Variants in SAMD5 observed in about 807,000 individuals in gnomAD.
SAMD5 encodes sterile alpha motif domain-containing protein 5.
A neutral mutation model predicts 11.3 loss-of-function variants in SAMD5; 13 were observed. That is an observed-to-expected ratio of 1.15 (90% CI 0.75 to 1.83). The LOEUF (loss-of-function observed/expected upper bound fraction) is 1.83. Ranked by LOEUF, SAMD5 falls within the 40% of genes most tolerant of loss-of-function variation. The pLI is 0.00. For missense variants in SAMD5, 255 were observed against 239.1 expected, an observed-to-expected ratio of 1.07 and a Z score of -0.44; for synonymous variants, 129 against 111.3, an observed-to-expected ratio of 1.16 and a Z score of -1.00.
intron 1 of SAMD5, among the ~76,000 whole-genome samples, chr6:147,684,702 A>C (rs73011983): frequency 0.12 from 17,512 of 152,192 alleles, 1,107 homozygotes; most frequent in Middle Eastern, 0.16. Flanking sequence ...TGACTAATAA[A>C]ATTGAACATC....
chr6:147,598,947 A>G (rs1001110840), intron 1 of SAMD5, among the ~76,000 whole-genome samples: 2 of 152,192 alleles, frequency 1.3e-5, no homozygotes, highest in Non-Finnish European at 2.9e-5. Flanking sequence ...CTTCTGGGGA[A>G]CACAGACATT....
At chr6:147,896,755 A>AAAAAACAAACAAAC in the SAMD5 span, among the ~76,000 whole-genome samples, 1 of 142,424 alleles carries the variant, frequency 7.0e-6, no homozygotes, top group Admixed American at 7.1e-5. Context: ...AAAAAAAAAA[A>AAAAAACAAACAAAC]AAAAAAAACG....
At chr6:147,726,004 C>G (rs765013224) in intron 1 of SAMD5, among the ~76,000 whole-genome samples, 4 of 152,182 alleles carry the variant, frequency 2.6e-5, no homozygotes, top group Non-Finnish European at 5.9e-5. Context: ...GCTTGTGAGG[C>G]AAACAGATTA....
chr6:147,701,455 A>T (rs1791252044), intron 1 of SAMD5, among the ~76,000 whole-genome samples: 1 of 152,086 alleles, frequency 6.6e-6, no homozygotes, highest in Non-Finnish European at 1.5e-5. Context: ...CCAACATGGT[A>T]AAATCCTGTC....
chr6:147,668,695 T>C (rs1303309236), intron 1 of SAMD5, among the ~76,000 whole-genome samples: 1 of 152,026 alleles, frequency 6.6e-6, no homozygotes, highest in East Asian at 1.9e-4. Context: ...AATACAAAAA[T>C]TAGCTGGGCG....
chr6:147,901,527 A>G, the SAMD5 span, among the ~76,000 whole-genome samples: 41 of 152,244 alleles, frequency 2.7e-4, no homozygotes, highest in Middle Eastern at 0.01. Context: ...GTTTTTTTCC[A>G]TGCTGGATTA....
chr6:147,593,040 G>A (rs1393823654), intron 1 of SAMD5, among the ~76,000 whole-genome samples: 2 of 152,116 alleles, frequency 1.3e-5, no homozygotes, highest in Non-Finnish European at 2.9e-5. Flanking sequence ...TTAAGGTTGT[G>A]AGGGATTGGG....
chr6:147,877,887 A>C, the SAMD5 span, among the ~76,000 whole-genome samples: 84 of 78,272 alleles, frequency 1.1e-3, no homozygotes, highest in African/African-American at 2.9e-3. Context: ...CACACGATAG[A>C]TAGATAGCTA....
At chr6:147,745,408 A>G in the SAMD5 span, among the ~76,000 whole-genome samples, 17 of 152,204 alleles carry the variant, frequency 1.1e-4, no homozygotes, top group African/African-American at 3.9e-4. Context: ...ATGATATCTG[A>G]TATTTACAGA....
At chr6:147,683,404 T>G (rs1387349523) in intron 1 of SAMD5, among the ~76,000 whole-genome samples, 1 of 152,218 alleles carries the variant, frequency 6.6e-6, no homozygotes, top group Non-Finnish European at 1.5e-5. Context: ...TCTATTGGTA[T>G]TTATTGTATT....
the SAMD5 span, among the ~76,000 whole-genome samples, chr6:147,931,838 A>G: frequency 2.0e-5 from 3 of 152,234 alleles, no homozygotes; most frequent in African/African-American, 7.2e-5. Context: ...GGTTTCATAG[A>G]AATTTGCATA....
intron 1 of SAMD5, among the ~76,000 whole-genome samples, chr6:147,581,668 C>A (rs1013916297): frequency 1.3e-5 from 2 of 152,098 alleles, no homozygotes; most frequent in Non-Finnish European, 2.9e-5. Context: ...GTAAAGTATC[C>A]ATTAGGTTGA....
chr6:147,560,227 A>G (rs138612475), intron 1 of SAMD5, among the ~76,000 whole-genome samples: 2 of 152,246 alleles, frequency 1.3e-5, no homozygotes, highest in East Asian at 3.9e-4. Flanking sequence ...TCTCCATGCA[A>G]ATTCCCACCT....
chr6:147,802,024 T>C, the SAMD5 span, among the ~76,000 whole-genome samples: 1 of 152,140 alleles, frequency 6.6e-6, no homozygotes, highest in Non-Finnish European at 1.5e-5. Context: ...TCCTAGGGCA[T>C]AGGATTTCTA....
intron 1 of SAMD5, among the ~76,000 whole-genome samples, chr6:147,645,444 G>A (rs576144291): frequency 1.8e-4 from 28 of 152,194 alleles, no homozygotes; most frequent in African/African-American, 6.5e-4. Context: ...TCCTCTGCTT[G>A]AGGTGGTAAT....
chr6:147,629,662 G>T (rs1282802601), intron 1 of SAMD5, among the ~76,000 whole-genome samples: 2 of 152,260 alleles, frequency 1.3e-5, no homozygotes, highest in African/African-American at 4.8e-5. Context: ...GTTCAGCCTG[G>T]TAATAACAAT....
the SAMD5 span, among the ~76,000 whole-genome samples, chr6:147,901,803 C>A: frequency 6.6e-6 from 1 of 152,286 alleles, no homozygotes; most frequent in East Asian, 1.9e-4. Flanking sequence ...TATTATTAAG[C>A]AACCCTTCAT....
At chr6:147,810,483 G>T in the SAMD5 span, among the ~76,000 whole-genome samples, 1 of 152,178 alleles carries the variant, frequency 6.6e-6, no homozygotes, top group Non-Finnish European at 1.5e-5. Context: ...GCTGGTCCTG[G>T]TACCTCCTAG....
At chr6:147,576,435 G>C (rs575044949) in intron 1 of SAMD5, among the ~76,000 whole-genome samples, 1 of 152,242 alleles carries the variant, frequency 6.6e-6, no homozygotes, top group African/African-American at 2.4e-5. Context: ...CACTGTGCCT[G>C]ACCAAATATT....
Sources: gnomAD v4.1 joint callset for allele counts (sites outside exome capture counted in the v4.1 genomes callset) on GRCh38, gnomAD v4.1.1 for gene constraint, MANE v1.5 for transcripts, NCBI Gene and HGNC (gene_info 2026-07-23, HGNC 2026-07-21) for gene names.